NUP93: variants seen among roughly 807,000 people sequenced by gnomAD.
NUP93 encodes nucleoporin 93, also known as nuclear pore complex protein Nup93.
NUP93 carries 55 observed loss-of-function variants against 107.8 expected under a neutral mutation model. The ratio of observed to expected loss-of-function variants is 0.51; its 90% CI spans 0.41 to 0.64. The LOEUF is 0.64. Ranked by LOEUF, NUP93 falls within the 30% of genes least tolerant of loss-of-function variation. The probability of loss-of-function intolerance (pLI) is 0.00; values close to 1 mark genes in which losing one functional copy is unlikely to be tolerated. For synonymous variants in NUP93, 390 were observed against 397.5 expected (o/e 0.98, Z 0.22); for missense variants, 937 against 1,044.7 (o/e 0.90, Z 1.42).
chr16:56,842,413 C>A (rs369435760), intron 21 of NUP93, among the ~76,000 whole-genome samples: 3 of 152,194 alleles, frequency 2.0e-5, no homozygotes, highest in Admixed American at 6.5e-5. Context: ...GCCTGTGGGA[C>A]CTCCAGCAGT....
At chr16:56,734,505 G>A (rs116414312) in intron 1 of NUP93, among the ~76,000 whole-genome samples, 43 of 152,266 alleles carry the variant, frequency 2.8e-4, no homozygotes, top group African/African-American at 7.2e-4. Flanking sequence ...TGTGAGTGAC[G>A]GGGGCTATTG....
At chr16:56,778,577 G>T (rs1397530805) in intron 3 of NUP93, among the ~76,000 whole-genome samples, 1 of 152,204 alleles carries the variant, frequency 6.6e-6, no homozygotes, top group African/African-American at 2.4e-5. Context: ...AGAGGAAAAA[G>T]ATGTGTGAGG....
At chr16:56,838,375 C>T (rs1963954997) in intron 18 of NUP93, among the ~76,000 whole-genome samples, 1 of 152,188 alleles carries the variant, frequency 6.6e-6, no homozygotes, top group Admixed American at 6.5e-5. Flanking sequence ...GACCTCCCAC[C>T]TTTCATGAAG....
chr16:56,767,593 C>T (rs1452352941), intron 3 of NUP93, among the ~76,000 whole-genome samples: 2 of 152,108 alleles, frequency 1.3e-5, no homozygotes, highest in African/African-American at 2.4e-5. Context: ...TTTTAAAATG[C>T]TGTTGCTATC....
chr16:56,774,903 GT>G (rs550311910), intron 3 of NUP93, among the ~76,000 whole-genome samples: 1,493 of 138,340 alleles, frequency 0.011, 18 homozygotes, highest in African/African-American at 0.033. Flanking sequence ...TTTTGTTTTT[GT>G]TTTTTTTTTT....
intron 3 of NUP93, among the ~76,000 whole-genome samples, chr16:56,779,028 C>G (rs1326000011): frequency 6.6e-6 from 1 of 152,134 alleles, no homozygotes; most frequent in Non-Finnish European, 1.5e-5. Context: ...TCTCAGAAAG[C>G]TGGGAGTTTG....
chr16:56,748,079 G>A, intron 1 of NUP93, 155 bp from the exon 2 acceptor site: 2 of 520,518 alleles, frequency 3.8e-6, no homozygotes, highest in East Asian at 3.0e-5. Flanking sequence ...CTGTTCTTGG[G>A]CTATGTTCAG....
chr16:56,769,287 C>T (rs78291913), intron 3 of NUP93, among the ~76,000 whole-genome samples: 2,905 of 152,190 alleles, frequency 0.019, 71 homozygotes, highest in Admixed American at 0.077. Flanking sequence ...CCCACAGTGC[C>T]GGAGAAAAGT....
rs369768011 is a variant in NUP93 at position 56,832,266 on chromosome 16, C to A, written c.1252-29C>A. 12 of 1,576,482 alleles carry A rather than the reference C, an allele frequency of 7.6e-6. No individual in the cohort carries two copies. The African/African-American group carries it at 1.6e-4, about 21-fold the overall frequency. On this transcript the variant is annotated intron_variant, in intron 11 of 21. Transcript: ENST00000308159. ...ATGTGGCTCAGGGTGTCATTTGTAC[C>A]AATGCATGTGTTTCTCTTGGGGATT...
intron 13 of NUP93, 87 bp from the exon 14 acceptor site, chr16:56,834,041 G>T: frequency 6.4e-7 from 1 of 1,573,734 alleles, no homozygotes; most frequent in East Asian, 2.3e-5. Flanking sequence ...ATGCTGCTGG[G>T]TCTGTGGATT....
chr16:56,798,247 C>T (rs1376111334), intron 3 of NUP93, among the ~76,000 whole-genome samples: 1 of 152,190 alleles, frequency 6.6e-6, no homozygotes, highest in East Asian at 1.9e-4. Context: ...GAACCCCACA[C>T]TGTTGTTTCA....
intron 3 of NUP93, among the ~76,000 whole-genome samples, chr16:56,763,389 A>G (rs1288941321): frequency 6.6e-6 from 1 of 152,058 alleles, no homozygotes; most frequent in African/African-American, 2.4e-5. Context: ...TCAACTAGAA[A>G]CTCTCTGCTT....
chr16:56,803,839 A>G (rs1384948826), intron 4 of NUP93, among the ~76,000 whole-genome samples: 2 of 152,066 alleles, frequency 1.3e-5, no homozygotes, highest in African/African-American at 4.8e-5. Flanking sequence ...GTACAGTCAC[A>G]GCTCACTGCA....
At chr16:56,814,879 G>A (rs374082273) in intron 5 of NUP93, among the ~76,000 whole-genome samples, 1 of 152,224 alleles carries the variant, frequency 6.6e-6, no homozygotes, top group East Asian at 1.9e-4. Flanking sequence ...GAGATTGGTG[G>A]CTTTCCCAGC....
chr16:56,778,388 C>T (rs13329802), intron 3 of NUP93, among the ~76,000 whole-genome samples: 56,907 of 151,836 alleles, frequency 0.37, 11,704 homozygotes, highest in East Asian at 0.54. Flanking sequence ...GTGTAGGCGG[C>T]AGGTGTTGAA....
chr16:56,762,776 A>G (rs1437867169), intron 3 of NUP93, among the ~76,000 whole-genome samples: 1 of 152,096 alleles, frequency 6.6e-6, no homozygotes, highest in Non-Finnish European at 1.5e-5. Flanking sequence ...CACACTCTCC[A>G]TAGGCTCTAG....
chr16:56,839,849 T>C (rs1963986588), intron 20 of NUP93: 1 of 469,938 alleles, frequency 2.1e-6, no homozygotes, highest in Non-Finnish European at 3.9e-6. Flanking sequence ...GACATGTTCT[T>C]GGGAGAAACA....
intron 2 of NUP93, among the ~76,000 whole-genome samples, chr16:56,748,831 A>G (rs1961867975): frequency 6.6e-6 from 1 of 152,212 alleles, no homozygotes; most frequent in South Asian, 2.1e-4. Context: ...TGATGAGGAC[A>G]GTTTTTAAGA....
intron 1 of NUP93, among the ~76,000 whole-genome samples, chr16:56,735,284 T>C (rs527558936): frequency 9.3e-4 from 141 of 152,256 alleles, no homozygotes; most frequent in South Asian, 2.7e-3. Context: ...GAGAGAGTAA[T>C]TAATTTGCCC....
Sources: gnomAD v4.1 joint callset for allele counts (sites outside exome capture counted in the v4.1 genomes callset) on GRCh38, gnomAD v4.1.1 for gene constraint, MANE v1.5 for transcripts, NCBI Gene and HGNC (gene_info 2026-07-23, HGNC 2026-07-21) for gene names.